SOX6: variants seen among roughly 807,000 people sequenced by gnomAD.
SOX6 encodes transcription factor SOX-6.
SOX6 carries 11 observed loss-of-function variants against 97.8 expected under a neutral mutation model. The ratio of observed to expected loss-of-function variants is 0.11; its 90% CI spans 0.07 to 0.19. The LOEUF (loss-of-function observed/expected upper bound fraction) is 0.19, where lower values mean the gene tolerates loss of function less well. Among genes scored for constraint, SOX6 ranks in the 10% least tolerant of loss-of-function variants. The pLI is 1.00. For missense variants in SOX6, 810 were observed against 1,039.5 expected (o/e 0.78, Z 3.04); for synonymous variants, 360 against 371.4 (o/e 0.97, Z 0.35).
intron 1 of SOX6, among the ~76,000 whole-genome samples, chr11:16,432,552 A>T (rs1316790709): frequency 1.3e-5 from 2 of 152,078 alleles, no homozygotes; most frequent in Non-Finnish European, 2.9e-5. Flanking sequence ...TCAGAAACCC[A>T]GTTTTACATT....
intron 6 of SOX6, among the ~76,000 whole-genome samples, chr11:16,116,914 T>C (rs1849361741): frequency 6.6e-6 from 1 of 152,198 alleles, no homozygotes; most frequent in South Asian, 2.1e-4. Context: ...CTTGATGATC[T>C]GTGGTGGAAA....
intron 1 of SOX6, among the ~76,000 whole-genome samples, chr11:16,424,837 T>C (rs1859093104): frequency 6.6e-6 from 1 of 152,216 alleles, no homozygotes; most frequent in African/African-American, 2.4e-5. Flanking sequence ...ACAAATTATC[T>C]GAAAGTGCCC....
chr11:16,660,899 T>A (rs1385025697), intron 3 of SOX6, among the ~76,000 whole-genome samples: 1 of 152,198 alleles, frequency 6.6e-6, no homozygotes, highest in African/African-American at 2.4e-5. Context: ...TGTTTAAAAG[T>A]CACCCAGTTT....
intron 4 of SOX6, among the ~76,000 whole-genome samples, chr11:16,595,263 C>T (rs1013439937): frequency 2.0e-5 from 3 of 151,918 alleles, no homozygotes; most frequent in African/African-American, 7.3e-5. Context: ...TAGGTTAAAG[C>T]CATTGTAGAC....
intron 6 of SOX6, among the ~76,000 whole-genome samples, chr11:16,154,825 G>A (rs1299830258): frequency 6.6e-6 from 1 of 152,082 alleles, no homozygotes; most frequent in Non-Finnish European, 1.5e-5. Flanking sequence ...CCTTGAGTTT[G>A]TAACCAGGCA....
At chr11:16,078,000 C>T (rs910158331) in intron 9 of SOX6, among the ~76,000 whole-genome samples, 4 of 151,816 alleles carry the variant, frequency 2.6e-5, no homozygotes, top group Non-Finnish European at 5.9e-5. Flanking sequence ...AGTATTTTTT[C>T]TTTCAGGGTG....
chr11:16,175,231 A>G (rs1237514803), intron 6 of SOX6, among the ~76,000 whole-genome samples: 1 of 151,956 alleles, frequency 6.6e-6, no homozygotes, highest in Non-Finnish European at 1.5e-5. Flanking sequence ...AGGTTTCTCT[A>G]TTAGAAACTC....
intron 6 of SOX6, among the ~76,000 whole-genome samples, chr11:16,112,382 C>T (rs1335499499): frequency 2.0e-5 from 3 of 152,080 alleles, no homozygotes; most frequent in Non-Finnish European, 4.4e-5. Flanking sequence ...AAAGCTGTAT[C>T]TCCCCAGTTT....
chr11:16,334,434 T>TC (rs897824076), intron 2 of SOX6, among the ~76,000 whole-genome samples: 10 of 3,812 alleles, frequency 2.6e-3, no homozygotes, highest in African/African-American at 5.9e-3. Context: ...ATGTCTCTAC[T>TC]TTTTTTTTTT....
intron 3 of SOX6, among the ~76,000 whole-genome samples, chr11:16,656,276 C>T (rs1236601129): frequency 6.6e-6 from 1 of 152,126 alleles, no homozygotes; most frequent in African/African-American, 2.4e-5. Flanking sequence ...CAGGGTTTCA[C>T]CATGTTGGCC....
chr11:16,299,453 G>C (rs1855191682), intron 3 of SOX6, among the ~76,000 whole-genome samples: 2 of 152,028 alleles, frequency 1.3e-5, no homozygotes, highest in Admixed American at 6.6e-5. Context: ...GGAGGGGTGG[G>C]AATCTTTATT....
chr11:16,716,919 A>G (rs1697580944), intron 2 of SOX6, among the ~76,000 whole-genome samples: 1 of 152,166 alleles, frequency 6.6e-6, no homozygotes, highest in Admixed American at 6.5e-5. Flanking sequence ...TTGGGAAGGA[A>G]GGAAGGAGTC....
chr11:16,446,069 AG>A (rs1392889812), intron 1 of SOX6, among the ~76,000 whole-genome samples: 1 of 152,090 alleles, frequency 6.6e-6, no homozygotes, highest in Non-Finnish European at 1.5e-5. Context: ...TTATTTTTCT[AG>A]ATTATCTTTT....
At chr11:16,113,153 G>T (rs563880001) in intron 6 of SOX6, among the ~76,000 whole-genome samples, 1 of 152,154 alleles carries the variant, frequency 6.6e-6, no homozygotes, top group East Asian at 1.9e-4. Context: ...CAGGGACACA[G>T]TGCAAAAAAT....
chr11:16,561,697 G>T (rs73417131), intron 4 of SOX6, among the ~76,000 whole-genome samples: 5,102 of 152,096 alleles, frequency 0.034, 276 homozygotes, highest in African/African-American at 0.12. Context: ...ACTCTTTCAG[G>T]GGTCTAATTT....
chr11:16,173,240 T>A (rs1851087705), intron 6 of SOX6, among the ~76,000 whole-genome samples: 1 of 151,926 alleles, frequency 6.6e-6, no homozygotes, highest in Non-Finnish European at 1.5e-5. Context: ...CCAATGTGGA[T>A]TGTTAGGTCC....
chr11:16,503,086 G>T (rs1428473788), intron 4 of SOX6, among the ~76,000 whole-genome samples: 1 of 151,982 alleles, frequency 6.6e-6, no homozygotes, highest in African/African-American at 2.4e-5. Flanking sequence ...AAATAAAACT[G>T]CCACTAAATA....
At chr11:16,081,944 C>T (rs772854639) in intron 9 of SOX6, among the ~76,000 whole-genome samples, 35 of 152,122 alleles carry the variant, frequency 2.3e-4, no homozygotes, top group African/African-American at 7.2e-4. Context: ...AGACCTGGTG[C>T]GACTGTGGAG....
chr11:16,359,769 A>G (rs1202081255), upstream of SOX6, among the ~76,000 whole-genome samples: 1 of 152,212 alleles, frequency 6.6e-6, no homozygotes, highest in East Asian at 1.9e-4. Context: ...AAAGAAGAAG[A>G]GAGAAGTTAT....
Sources: gnomAD v4.1 joint callset for allele counts (sites outside exome capture counted in the v4.1 genomes callset) on GRCh38, gnomAD v4.1.1 for gene constraint, MANE v1.5 for transcripts, NCBI Gene and HGNC (gene_info 2026-07-23, HGNC 2026-07-21) for gene names.